The following THADA variants were observed in gnomAD, a reference collection of about 807,000 sequenced individuals.
THADA encodes the protein THADA armadillo repeat containing, also known as tRNA (32-2'-O)-methyltransferase regulator THADA.
Under a neutral mutation model 219.8 loss-of-function variants are expected in THADA, and 213 were observed. The ratio of observed to expected loss-of-function variants is 0.97; its 90% CI spans 0.87 to 1.09. The LOEUF (loss-of-function observed/expected upper bound fraction) is 1.09. Ranked by LOEUF, THADA falls within the 50% of genes least tolerant of loss-of-function variation. THADA has a pLI of 0.00. For missense variants in THADA, 2,956 were observed against 2,311.3 expected, an observed-to-expected ratio of 1.28 and a Z score of -5.72; for synonymous variants, 1,018 against 828.9, an observed-to-expected ratio of 1.23 and a Z score of -3.92.
At chr2:43,364,257 A>T (rs868283503) in intron 29 of THADA, among the ~76,000 whole-genome samples, 4 of 152,154 alleles carry the variant, frequency 2.6e-5, no homozygotes, top group Non-Finnish European at 4.4e-5. Context: ...AAATAAAAAA[A>T]TTTTAAAAGC....
At chr2:43,370,607 T>C (rs1375198916) in intron 29 of THADA, among the ~76,000 whole-genome samples, 1 of 152,172 alleles carries the variant, frequency 6.6e-6, no homozygotes, top group Non-Finnish European at 1.5e-5. Flanking sequence ...TCATCACTTA[T>C]ATAATATCCA....
Position 43,590,836 on chromosome 2 carries a change from T to G in THADA, c.290A>C (p.Lys97Thr). The G allele has an allele frequency of 6.2e-7, 1 of 1,613,168 alleles. No homozygotes were observed. The highest frequency in any genetic ancestry group is 8.5e-7 in the Non-Finnish European group (1 of 1,179,626). Residue 97 changes from lysine to threonine, a missense_variant, in exon 4 of 38, where the codon AAA (lysine) becomes ACA (threonine). Lys to Thr is a moderately conservative substitution (Grantham distance 78). Coordinates refer to ENST00000405975, the MANE Select transcript of THADA (RefSeq NM_022065.5). ...LSLSLKNPLK[K>T]VLASSLNSLP... ...CTTTTTTTCTTACCTTGCCAATACTTTCTTCAAGGGATTCTTTAGACTCAA... is the reference window on the plus strand; with the variant it reads ...CTTTTTTTCTTACCTTGCCAATACTGTCTTCAAGGGATTCTTTAGACTCAA...
At chr2:43,584,039 A>T (rs1173212634) in intron 7 of THADA, among the ~76,000 whole-genome samples, 1 of 126,888 alleles carries the variant, frequency 7.9e-6, no homozygotes. Flanking sequence ...GTCTCAATTA[A>T]AAAAAAAAAA....
chr2:43,555,929 C>G (rs563667946), intron 17 of THADA, among the ~76,000 whole-genome samples: 2 of 151,980 alleles, frequency 1.3e-5, no homozygotes, highest in African/African-American at 4.8e-5. Context: ...TTGGAACTGG[C>G]TATTTGGGAA....
At chr2:43,555,156 T>C (rs1697194520) in intron 17 of THADA, among the ~76,000 whole-genome samples, 1 of 151,954 alleles carries the variant, frequency 6.6e-6, no homozygotes, top group Non-Finnish European at 1.5e-5. Flanking sequence ...CTGTACAATA[T>C]ATACAGTAAG....
intron 29 of THADA, among the ~76,000 whole-genome samples, chr2:43,377,708 C>T (rs1257232549): frequency 6.6e-6 from 1 of 152,044 alleles, no homozygotes; most frequent in Non-Finnish European, 1.5e-5. Context: ...AGTATAGGAA[C>T]AAGAAATTTA....
chr2:43,302,440 T>C (rs990285331), intron 31 of THADA, among the ~76,000 whole-genome samples: 6 of 152,062 alleles, frequency 3.9e-5, no homozygotes, highest in Non-Finnish European at 8.8e-5. Flanking sequence ...TTTGATTTCA[T>C]TTTTGGAATT....
chr2:43,579,547 T>C (rs1202575853), intron 8 of THADA, among the ~76,000 whole-genome samples: 3 of 152,158 alleles, frequency 2.0e-5, no homozygotes, highest in African/African-American at 7.2e-5. Context: ...CCTTCATCAC[T>C]GATAAGAAAA....
chr2:43,340,652 T>G (rs145039119), intron 30 of THADA, among the ~76,000 whole-genome samples: 1 of 152,214 alleles, frequency 6.6e-6, no homozygotes, highest in African/African-American at 2.4e-5. Context: ...TAATTTTTCA[T>G]AGCTTATATT....
chr2:43,405,225 T>G (rs1675388116), intron 28 of THADA, among the ~76,000 whole-genome samples: 1 of 152,216 alleles, frequency 6.6e-6, no homozygotes, highest in African/African-American at 2.4e-5. Flanking sequence ...TACTAAGATT[T>G]CTTTTTCCTT....
chr2:43,446,308 G>A (rs1457166480), intron 26 of THADA, among the ~76,000 whole-genome samples: 7 of 152,150 alleles, frequency 4.6e-5, no homozygotes, highest in Admixed American at 3.9e-4. Flanking sequence ...GAAGAAGTGG[G>A]TCTATTTCCC....
In THADA at chr2:43,560,256, G is replaced by C. The variant is rs1306070614; in HGVS notation, c.2441C>G (p.Ser814Ter). 1.2e-6 allele frequency: 2 copies of C among 1,611,718 alleles called. No individual in the cohort carries two copies. Among genetic ancestry groups the C allele is most frequent in the East Asian group, 4.5e-5 (2 of 44,744 alleles). The change falls in exon 16 of 38, where the codon TCA becomes TGA. Residue 814 changes from serine to a stop codon, truncating the protein, a stop_gained. Coordinates refer to ENST00000405975, the MANE Select transcript of THADA (RefSeq NM_022065.5). LOFTEE classifies it high-confidence loss of function. ...TACCTGAAAATGTACAGCTGTTTTT[G>C]ATAACTTCATCAGAAGATCAAATGC... ...ILAFDLLMKL[S>*]KTAVHFQDSG...
rs1491460657 is a variant in THADA at position 43,515,074 on chromosome 2, TAA to T, written c.3375-6296_3375-6295del. On this transcript the variant is annotated intron_variant, in intron 22 of 37. Coordinates refer to ENST00000405975, the MANE Select transcript of THADA (RefSeq NM_022065.5). ...TTTTATATATAATATATTTTATATATAATATATATAAATATATATATTATATA... is the reference window on the plus strand; with the variant it reads ...TTTTATATATAATATATTTTATATATTATATATAAATATATATATTATATA... Among the ~76,000 whole-genome samples the T allele has an allele frequency of 3.2e-4, 14 of 43,868 alleles. 1 individual carries two copies. The highest frequency in any genetic ancestry group is 1.2e-3 in the East Asian group (1 of 804). 28.8% of individuals were successfully genotyped at this position (43,868 alleles called of 152,430 possible).
chr2:43,418,917 A>C (rs950602071), intron 28 of THADA, among the ~76,000 whole-genome samples: 1 of 152,226 alleles, frequency 6.6e-6, no homozygotes, highest in African/African-American at 2.4e-5. Flanking sequence ...TTTTTTAATA[A>C]GGAGGTCACT....
chr2:43,393,460 ACTT>A (rs1424081141), intron 29 of THADA, among the ~76,000 whole-genome samples: 4 of 152,100 alleles, frequency 2.6e-5, no homozygotes, highest in African/African-American at 9.7e-5. Context: ...TAATCCCAAC[ACTT>A]TGGGAGGCCG....
intron 29 of THADA, among the ~76,000 whole-genome samples, chr2:43,346,278 A>G (rs1667616804): frequency 6.6e-6 from 1 of 152,230 alleles, no homozygotes; most frequent in Non-Finnish European, 1.5e-5. Context: ...AAATATTTGA[A>G]TACACAACTA....
chr2:43,590,791 A>G lies in THADA; in HGVS notation c.302+33T>C, dbSNP rs74481270. The G allele has an allele frequency of 9.4e-4, 1,513 of 1,604,792 alleles. 10 individuals carry two copies. The African/African-American group carries it at 0.017, about 18-fold the overall frequency. On this transcript the variant is annotated intron_variant, in intron 4 of 37. Transcript: ENST00000405975. The stretch of plus-strand genomic sequence containing the variant: ...TTACTTTTGGTCAAATTCAACATTT[A>G]TAACACCCAACTTCCCTTCCTTTTT...
chr2:43,266,362 C>T (rs543431761), intron 36 of THADA, among the ~76,000 whole-genome samples: 36 of 152,242 alleles, frequency 2.4e-4, no homozygotes, highest in African/African-American at 8.4e-4. Context: ...GAGGCCGAGG[C>T]GGGCGGATCA....
intron 8 of THADA, among the ~76,000 whole-genome samples, chr2:43,580,939 T>C (rs1700377546): frequency 1.3e-5 from 2 of 151,916 alleles, no homozygotes; most frequent in African/African-American, 2.4e-5. Context: ...CCAATCAGCC[T>C]AGCAAAACCA....
Sources: allele counts gnomAD v4.1 joint callset (sites outside exome capture counted in the v4.1 genomes callset), GRCh38; gene constraint gnomAD v4.1.1; transcripts MANE v1.5; gene names NCBI Gene and HGNC (gene_info 2026-07-23, HGNC 2026-07-21).